Variants in ETV1 observed in about 807,000 individuals in gnomAD.
ETV1 encodes ETS variant transcription factor 1.
In ETV1, 27 loss-of-function variants were observed where a neutral mutation model predicts 62.3. That is an observed-to-expected ratio of 0.43 (90% CI 0.32 to 0.60). ETV1 has a LOEUF of 0.60. ETV1 is among the 20% of genes least tolerant of loss of function. ETV1 has a pLI of 0.06. For synonymous variants in ETV1, 222 were observed against 199.6 expected (o/e 1.11, Z -0.94); for missense variants, 605 against 605.8 (o/e 1.00, Z 0.01).
chr7:13,897,846 T>C (rs180904213), intron 13 of ETV1, among the ~76,000 whole-genome samples: 1 of 152,214 alleles, frequency 6.6e-6, no homozygotes, highest in Non-Finnish European at 1.5e-5. Flanking sequence ...ATAAATGGCC[T>C]GCATACCTCT....
chr7:13,985,043 A>T (rs1353737337), intron 5 of ETV1, among the ~76,000 whole-genome samples: 1 of 152,066 alleles, frequency 6.6e-6, no homozygotes, highest in Non-Finnish European at 1.5e-5. Context: ...CAGCAAGTGC[A>T]CTGACTTGGA....
rs112122988 is a variant in ETV1, at chr7:13,975,386, A to G, written c.235+2041T>C. On this transcript the variant is annotated intron_variant, in intron 6 of 13. Transcript: ENST00000430479. ...ACAGTGAAACCCCAACTCTACTAAA[A>G]AGACAAAAAATTAGCTGGGAGTGAT... Among the ~76,000 whole-genome samples the G allele has an allele frequency of 2.1e-3, 318 of 152,136 alleles. 1 individual carries two copies. The highest frequency in any genetic ancestry group is 7.1e-3 in the African/African-American group (294 of 41,508).
chr7:13,923,365 C>A (rs1049470327), intron 9 of ETV1, among the ~76,000 whole-genome samples: 31 of 152,192 alleles, frequency 2.0e-4, no homozygotes, highest in African/African-American at 7.5e-4. Flanking sequence ...TCCACCAACA[C>A]AGCAAAACAT....
intron 10 of ETV1, 26 bp from the exon 11 acceptor site, chr7:13,909,726 A>T: frequency 6.4e-7 from 1 of 1,570,650 alleles, no homozygotes; most frequent in Non-Finnish European, 8.7e-7. Flanking sequence ...GAATACATTT[A>T]TTCATGATAG....
chr7:13,939,039 C>T (rs1787153431), intron 7 of ETV1, 78 bp downstream of exon 7: 1 of 1,390,262 alleles, frequency 7.2e-7, no homozygotes, highest in East Asian at 2.4e-5. Flanking sequence ...TAAAATATGA[C>T]TTGAGATTTC....
intron 12 of ETV1, among the ~76,000 whole-genome samples, chr7:13,904,098 A>G (rs1299716373): frequency 6.6e-6 from 1 of 152,238 alleles, no homozygotes; most frequent in Non-Finnish European, 1.5e-5. Context: ...ACAGGTCACA[A>G]AGACAAGAAA....
At chr7:13,951,518 A>T (rs1788814985) in intron 6 of ETV1, among the ~76,000 whole-genome samples, 1 of 152,132 alleles carries the variant, frequency 6.6e-6, no homozygotes. Flanking sequence ...GTCCTTAATG[A>T]TGTTAATTGT....
intron 9 of ETV1, among the ~76,000 whole-genome samples, chr7:13,925,367 A>G (rs1785290432): frequency 6.6e-6 from 1 of 152,192 alleles, no homozygotes; most frequent in Non-Finnish European, 1.5e-5. Flanking sequence ...TAGCATTGCA[A>G]GCACTGTGCA....
intron 6 of ETV1, among the ~76,000 whole-genome samples, chr7:13,964,032 C>T (rs1374006539): frequency 1.3e-5 from 2 of 152,140 alleles, no homozygotes; most frequent in African/African-American, 2.4e-5. Flanking sequence ...TCCAGAGAAA[C>T]ACAGCAATGA....
chr7:13,914,003 C>T (rs947687798), intron 9 of ETV1, among the ~76,000 whole-genome samples: 37 of 151,032 alleles, frequency 2.4e-4, no homozygotes, highest in African/African-American at 8.5e-4. Context: ...CCTGCCTCAG[C>T]CTCCTGAGTA....
rs148548585 is a variant in ETV1, at chr7:13,913,218, C to T, written c.803-1911G>A. ...AATAAAATGTACAAAGTTCAACAAC[C>T]GTAACAAGCTGTAGTTTAACTCATG... On this transcript the variant is annotated intron_variant, in intron 9 of 13. Coordinates refer to ENST00000430479, the MANE Select transcript of ETV1 (RefSeq NM_004956.5). 8.2e-3 allele frequency among the ~76,000 whole-genome samples: 1,243 copies of T among 152,256 alleles called. 10 individuals are homozygous for T. Among genetic ancestry groups the T allele is most frequent in the Non-Finnish European group, 0.012 (786 of 68,026 alleles).
At chr7:13,980,808 G>C (rs1173788437) in intron 5 of ETV1, among the ~76,000 whole-genome samples, 1 of 151,898 alleles carries the variant, frequency 6.6e-6, no homozygotes, top group African/African-American at 2.4e-5. Flanking sequence ...TTTTTGCTAC[G>C]TATCAATGCA....
At chr7:13,931,229 C>T (rs1786108801) in intron 9 of ETV1, among the ~76,000 whole-genome samples, 1 of 152,098 alleles carries the variant, frequency 6.6e-6, no homozygotes, top group Non-Finnish European at 1.5e-5. Flanking sequence ...ATTGCAATGT[C>T]CCTCTCGAGC....
At chr7:13,911,422 G>T in intron 9 of ETV1, 115 bp from the exon 10 acceptor site, 1 of 679,342 alleles carries the variant, frequency 1.5e-6, no homozygotes, top group Non-Finnish European at 2.7e-6. Context: ...CCAATGTGGG[G>T]AACATGTCAA....
rs1204539632 is a variant in ETV1, at chr7:13,986,108, A to C, written c.181+530T>G. ...AACCCATAGATTTCCTAAGCATTAGATACACACCTAACGTTCTGTGTTGTG... is the reference window on the plus strand; with the variant it reads ...AACCCATAGATTTCCTAAGCATTAGCTACACACCTAACGTTCTGTGTTGTG... On this transcript the variant is annotated intron_variant, in intron 5 of 13. Transcript: ENST00000430479. The C allele has an allele frequency of 3.2e-6, 5 of 1,571,524 alleles. No individual in the cohort carries two copies. The South Asian group carries it at 5.8e-5, about 18-fold the overall frequency.
chr7:13,893,556 G>C lies in ETV1; in HGVS notation c.*2310C>G, dbSNP rs1178499826. 4.3e-6 allele frequency: 1 copy of C among 231,532 alleles called. No individual in the cohort carries two copies. Among genetic ancestry groups the C allele is most frequent in the Non-Finnish European group, 8.5e-6 (1 of 117,240 alleles). 14.3% of individuals were successfully genotyped at this position (231,532 alleles called of 1,614,324 possible). On this transcript the variant is annotated 3_prime_UTR_variant, in exon 14 of 14. Transcript: ENST00000430479. ...CCATTGTTCTCTTGTGATAACGTTA[G>C]CATGGCCCAATTCTTCCTCACTGAC... is the stretch of plus-strand genomic sequence containing the variant.
At chr7:13,957,917 G>A (rs1006959862) in intron 6 of ETV1, among the ~76,000 whole-genome samples, 2 of 152,334 alleles carry the variant, frequency 1.3e-5, no homozygotes, top group East Asian at 3.9e-4. Flanking sequence ...TCACAACCGT[G>A]ATAGGCCTGG....
chr7:13,903,762 CAAA>C lies in ETV1; in HGVS notation c.1110+2665_1110+2667del, dbSNP rs534972176. On this transcript the variant is annotated intron_variant, in intron 12 of 13. Transcript: ENST00000430479. ...TGGGTGACAGAGTGAGATTCCATCT[CAAA>C]AAAAAAAAAAAAAAAAAATTGTTTC... 3.8e-3 allele frequency among the ~76,000 whole-genome samples: 354 copies of C among 93,130 alleles called. 1 individual carries two copies. The highest frequency in any genetic ancestry group is 0.016 in the Middle Eastern group (3 of 182). The allele number at this position is 93,130 out of a possible 152,430, so 61.1% of individuals were successfully genotyped here.
intron 6 of ETV1, among the ~76,000 whole-genome samples, chr7:13,942,025 T>C (rs1396129160): frequency 1.7e-4 from 12 of 69,432 alleles, no homozygotes; most frequent in Middle Eastern, 7.9e-3. Context: ...CATTTCTTTT[T>C]TTTTTTTTTT....
Sources: gnomAD v4.1 joint callset for allele counts (sites outside exome capture counted in the v4.1 genomes callset) on GRCh38, gnomAD v4.1.1 for gene constraint, MANE v1.5 for transcripts, NCBI Gene and HGNC (gene_info 2026-07-23, HGNC 2026-07-21) for gene names.